The following PLCE1 variants were observed in gnomAD, a reference collection of about 807,000 sequenced individuals.
PLCE1 encodes the protein 1-phosphatidylinositol 4,5-bisphosphate phosphodiesterase epsilon-1.
Under a neutral mutation model 242.8 loss-of-function variants are expected in PLCE1, and 119 were observed. The observed-to-expected ratio is 0.49, with a 90% CI of 0.42 to 0.57. PLCE1 has a LOEUF of 0.57. Among genes scored for constraint, PLCE1 ranks in the 20% least tolerant of loss-of-function variants. The pLI is 0.00. For missense variants in PLCE1, 2,441 were observed against 2,788.8 expected, an observed-to-expected ratio of 0.88 and a Z score of 2.81; for synonymous variants, 945 against 1,017.4, an observed-to-expected ratio of 0.93 and a Z score of 1.35.
chr10:94,238,342 G>C (rs1206297456), intron 7 of PLCE1, among the ~76,000 whole-genome samples: 1 of 152,194 alleles, frequency 6.6e-6, no homozygotes, highest in African/African-American at 2.4e-5. Context: ...GGGTCTTCAA[G>C]TAGGCTTGTC....
At chr10:94,237,930 A>G (rs1264718704) in intron 7 of PLCE1, among the ~76,000 whole-genome samples, 1 of 152,176 alleles carries the variant, frequency 6.6e-6, no homozygotes, top group Non-Finnish European at 1.5e-5. Flanking sequence ...ACAAACAGCA[A>G]CCTCTAGCCC....
intron 4 of PLCE1, among the ~76,000 whole-genome samples, chr10:94,196,698 C>G (rs1273448159): frequency 6.6e-6 from 1 of 152,104 alleles, no homozygotes; most frequent in Non-Finnish European, 1.5e-5. Context: ...AGGTGGGACT[C>G]ACCAGCCCAG....
At chr10:94,247,301 C>A (rs1229041733) in intron 8 of PLCE1, among the ~76,000 whole-genome samples, 1 of 151,110 alleles carries the variant, frequency 6.6e-6, no homozygotes, top group Non-Finnish European at 1.5e-5. Flanking sequence ...ACTATAATGA[C>A]CCTGGTCGCG....
At chr10:94,222,862 G>A (rs1246119892) in intron 4 of PLCE1, among the ~76,000 whole-genome samples, 2 of 152,172 alleles carry the variant, frequency 1.3e-5, no homozygotes, top group African/African-American at 2.4e-5. Flanking sequence ...GACCAGCAGT[G>A]GGCTTGGTGC....
At chr10:94,053,632 G>A (rs2043825478) in intron 2 of PLCE1, among the ~76,000 whole-genome samples, 1 of 152,216 alleles carries the variant, frequency 6.6e-6, no homozygotes, top group Admixed American at 6.5e-5. Flanking sequence ...AATGCACTGG[G>A]AAGTTATAGG....
intron 2 of PLCE1, among the ~76,000 whole-genome samples, chr10:94,101,821 T>C (rs1380299990): frequency 6.6e-6 from 1 of 152,130 alleles, no homozygotes; most frequent in Non-Finnish European, 1.5e-5. Context: ...GGAAGGCCAT[T>C]TGTAGAGCTG....
At chr10:94,169,282 G>A (rs770904104) in intron 3 of PLCE1, among the ~76,000 whole-genome samples, 1 of 152,118 alleles carries the variant, frequency 6.6e-6, no homozygotes, top group African/African-American at 2.4e-5. Flanking sequence ...ACATAGTGAA[G>A]GAAAAGATAG....
At chr10:94,159,309 A>C (rs2136195373) in intron 3 of PLCE1, among the ~76,000 whole-genome samples, 1 of 152,340 alleles carries the variant, frequency 6.6e-6, no homozygotes, top group East Asian at 1.9e-4. Flanking sequence ...TTGAAAACCA[A>C]TAACAGATAA....
chr10:94,191,053 G>T (rs866115891), intron 4 of PLCE1, among the ~76,000 whole-genome samples: 1 of 152,152 alleles, frequency 6.6e-6, no homozygotes, highest in Non-Finnish European at 1.5e-5. Context: ...GCAAGTGTGG[G>T]TGATGAGAAA....
intron 4 of PLCE1, among the ~76,000 whole-genome samples, chr10:94,219,163 A>C (rs903613236): frequency 1.3e-5 from 2 of 152,086 alleles, no homozygotes; most frequent in African/African-American, 4.8e-5. Flanking sequence ...AGCACAGTGC[A>C]TACTATATAG....
Position 94,306,524 on chromosome 10 carries a change from G to A in PLCE1, c.5720G>A (p.Arg1907His), listed in dbSNP as rs762105530. Residue 1907 changes from arginine to histidine, a missense_variant, in exon 26 of 33, where the codon CGC (arginine) becomes CAC (histidine). Coordinates refer to ENST00000371380, the MANE Select transcript of PLCE1 (RefSeq NM_016341.4). This position sits in a 1 kb window ranked among gnomAD's most constrained non-coding sequence, Gnocchi z 5.7. ...ATGCCTCTGGACAGCTGCCATTTCC[G>A]CACAAAGCCCATCCATCGAAACACC... Reference protein sequence around the residue: ...LGMPLDSCHFRTKPIHRNTLN... With the variant: ...LGMPLDSCHFHTKPIHRNTLN... 3.1e-6 allele frequency: 5 copies of A among 1,613,990 alleles called. No homozygotes were observed. The highest frequency in any genetic ancestry group is 1.7e-5 in the Admixed American group (1 of 59,996).
chr10:94,171,053 C>A, intron 3 of PLCE1, 127 bp from the exon 4 acceptor site: 2 of 811,220 alleles, frequency 2.5e-6, no homozygotes, highest in Non-Finnish European at 4.2e-6. Context: ...AAAAATAGTA[C>A]AGAACTCTTC....
chr10:94,073,161 C>T (rs2044408931), intron 2 of PLCE1, among the ~76,000 whole-genome samples: 2 of 152,200 alleles, frequency 1.3e-5, no homozygotes, highest in Admixed American at 1.3e-4. Flanking sequence ...CCCACCACCC[C>T]ACCCACCAAC....
chr10:94,036,433 A>T (rs2061665204), intron 2 of PLCE1, among the ~76,000 whole-genome samples: 2 of 151,392 alleles, frequency 1.3e-5, no homozygotes, highest in African/African-American at 4.9e-5. Flanking sequence ...CACATTAAAC[A>T]TTTTTTTTTC....
At chr10:94,235,172 G>A (rs541406817) in intron 6 of PLCE1, among the ~76,000 whole-genome samples, 7 of 151,768 alleles carry the variant, frequency 4.6e-5, no homozygotes, top group East Asian at 1.9e-4. Context: ...TTGTCACCTG[G>A]GAGCAAAGGC....
At position 94,160,896 on chromosome 10, in the gene PLCE1, T is replaced by C. The variant is rs894927006; in HGVS notation, c.1493-10284T>C. On this transcript the variant is annotated intron_variant, in intron 3 of 32. Coordinates refer to ENST00000371380, the MANE Select transcript of PLCE1 (RefSeq NM_016341.4). Reference sequence around the variant, plus strand: ...CCCCATTTCTTGTTTTTGTCAGGTTTGTCAAAGATCAGATAGTTGTAGCTA... The same window carrying C: ...CCCCATTTCTTGTTTTTGTCAGGTTCGTCAAAGATCAGATAGTTGTAGCTA... Among the ~76,000 whole-genome samples the C allele has an allele frequency of 2.6e-5, 4 of 152,344 alleles. No individual in the cohort carries two copies. In the South Asian group the frequency reaches 8.3e-4, roughly 32 times the overall value.
chr10:94,326,193 T>C (rs945109093), intron 32 of PLCE1, among the ~76,000 whole-genome samples: 5 of 152,220 alleles, frequency 3.3e-5, no homozygotes, highest in African/African-American at 1.2e-4. Flanking sequence ...AGTGAAAGCA[T>C]TGCTGTTTAT....
chr10:93,994,862 A>G (rs1589826009), intron 1 of PLCE1, among the ~76,000 whole-genome samples: 1 of 152,232 alleles, frequency 6.6e-6, no homozygotes, highest in Non-Finnish European at 1.5e-5. Context: ...CCAATTATTC[A>G]GTGTAAGACT....
At chr10:94,320,407 T>G (rs1330739890) in intron 29 of PLCE1, among the ~76,000 whole-genome samples, 1 of 152,190 alleles carries the variant, frequency 6.6e-6, no homozygotes, top group African/African-American at 2.4e-5. Flanking sequence ...CAAAGTTAAT[T>G]AAATGATTGG....
Sources: gnomAD v4.1 joint callset for allele counts (sites outside exome capture counted in the v4.1 genomes callset) on GRCh38, gnomAD v4.1.1 for gene constraint, Gnocchi (gnomAD v3.1) non-coding constraint, MANE v1.5 for transcripts, NCBI Gene and HGNC (gene_info 2026-07-23, HGNC 2026-07-21) for gene names.